OR14L1: variants seen among roughly 807,000 people sequenced by gnomAD.
The protein encoded by OR14L1 is olfactory receptor family 14 subfamily L member 1.
chr1:247,621,895 A>T, the OR14L1 span: 2 of 152,270 alleles, frequency 1.3e-5, no homozygotes, highest in South Asian at 4.1e-4. Context: ...TTTTTTTTCA[A>T]GGCTGAATAG....
chr1:247,618,531 AG>A, the OR14L1 span, among the ~76,000 whole-genome samples: 10 of 80,564 alleles, frequency 1.2e-4, no homozygotes, highest in South Asian at 3.8e-3. Context: ...ACCAATCCAA[AG>A]CAAAATTAAA....
At chr1:247,619,565 A>G in the OR14L1 span, 1 of 152,340 alleles carries the variant, frequency 6.6e-6, no homozygotes, top group Non-Finnish European at 1.5e-5. Context: ...AAATTGAAAT[A>G]TCACTGGGGG....
the OR14L1 span, chr1:247,621,525 T>C: frequency 2.0e-5 from 3 of 152,320 alleles, no homozygotes; most frequent in African/African-American, 7.2e-5. Flanking sequence ...CCTGAAACAT[T>C]TGTCATTCAT....
the OR14L1 span, among the ~76,000 whole-genome samples, chr1:247,617,734 G>C: frequency 2.9e-5 from 4 of 137,648 alleles, no homozygotes; most frequent in Non-Finnish European, 4.7e-5. Context: ...GTGTAGTCTC[G>C]ATGTATGGTG....
At chr1:247,619,302 C>A in the OR14L1 span, among the ~76,000 whole-genome samples, 1 of 152,098 alleles carries the variant, frequency 6.6e-6, no homozygotes, top group Non-Finnish European at 1.5e-5. Flanking sequence ...GAATAATACT[C>A]ATTTTTTGTC....
the OR14L1 span, chr1:247,621,230 A>G: frequency 7.2e-5 from 11 of 152,204 alleles, 1 homozygote; most frequent in Admixed American, 2.6e-4. Flanking sequence ...TTTCCTCTGC[A>G]TAGGAAAGTA....
the OR14L1 span, among the ~76,000 whole-genome samples, chr1:247,619,214 A>C: frequency 6.6e-6 from 1 of 152,198 alleles, no homozygotes; most frequent in African/African-American, 2.4e-5. Context: ...ACTATGACAA[A>C]CCACTTGCAA....
chr1:247,621,493 A>T, the OR14L1 span: 1 of 152,198 alleles, frequency 6.6e-6, no homozygotes, highest in South Asian at 2.1e-4. Flanking sequence ...GGAATGATTA[A>T]ATCAGGCAAT....
At chr1:247,617,538 A>C in the OR14L1 span, 1 of 152,188 alleles carries the variant, frequency 6.6e-6, no homozygotes, top group Non-Finnish European at 1.5e-5. Flanking sequence ...TTTAGAATAC[A>C]CAGTTATTTC....
chr1:247,617,699 TGTGTGTGTGTGC>T, the OR14L1 span, among the ~76,000 whole-genome samples: 7 of 148,166 alleles, frequency 4.7e-5, no homozygotes, highest in South Asian at 4.2e-4. Context: ...GAAAGGTGTG[TGTGTGTGTGTGC>T]GTGTGTGTGT....
chr1:247,617,728 A>G, the OR14L1 span, among the ~76,000 whole-genome samples: 7 of 100,914 alleles, frequency 6.9e-5, no homozygotes, highest in South Asian at 3.3e-4. Flanking sequence ...GTGTGTGTGT[A>G]GTCTCGATGT....
the OR14L1 span, among the ~76,000 whole-genome samples, chr1:247,618,608 G>T: frequency 1.3e-5 from 2 of 152,072 alleles, no homozygotes; most frequent in Non-Finnish European, 2.9e-5. Context: ...ATTTTTAGGT[G>T]TCTTGAATAC....
At chr1:247,619,841 T>A in the OR14L1 span, 1 of 152,210 alleles carries the variant, frequency 6.6e-6, no homozygotes, top group East Asian at 1.9e-4. Context: ...AACTTGTCTT[T>A]CTTAGATTTT....
chr1:247,619,478 A>G, the OR14L1 span: 6 of 152,326 alleles, frequency 3.9e-5, no homozygotes, highest in South Asian at 1.2e-3. Context: ...ATAAAGCACT[A>G]TTCTGTGTAA....
the OR14L1 span, chr1:247,621,656 G>C: frequency 6.6e-6 from 1 of 152,118 alleles, no homozygotes; most frequent in Non-Finnish European, 1.5e-5. Flanking sequence ...TGTCTAACTG[G>C]AACTCTGTGC....
chr1:247,621,875 G>A, the OR14L1 span: 1 of 152,110 alleles, frequency 6.6e-6, no homozygotes, highest in Non-Finnish European at 1.5e-5. Context: ...ACCAATGACA[G>A]AATTTCATGT....
At chr1:247,621,060 GA>G in the OR14L1 span, 1 of 152,092 alleles carries the variant, frequency 6.6e-6, no homozygotes, top group Non-Finnish European at 1.5e-5. Flanking sequence ...AGTGTTCTGG[GA>G]GCATATCTAT....
At chr1:247,621,233 G>T in the OR14L1 span, 2 of 152,094 alleles carry the variant, frequency 1.3e-5, no homozygotes, top group African/African-American at 4.8e-5. Context: ...CCTCTGCATA[G>T]GAAAGTATGA....
At chr1:247,619,963 A>G in the OR14L1 span, 1 of 152,238 alleles carries the variant, frequency 6.6e-6, no homozygotes, top group Non-Finnish European at 1.5e-5. Flanking sequence ...GGACTTGGCA[A>G]CTACGGAGGT....
Sources: allele counts gnomAD v4.1 joint callset (sites outside exome capture counted in the v4.1 genomes callset), GRCh38; gene constraint gnomAD v4.1.1; transcripts MANE v1.5; gene names NCBI Gene and HGNC (gene_info 2026-07-23, HGNC 2026-07-21).